PXDNL: variants seen among roughly 807,000 people sequenced by gnomAD.
PXDNL encodes peroxidasin like, also known as probable oxidoreductase PXDNL.
Under a neutral mutation model 150.8 loss-of-function variants are expected in PXDNL, and 145 were observed. That is an observed-to-expected ratio of 0.96 (90% CI 0.84 to 1.10). PXDNL has a LOEUF of 1.10. Among genes scored for constraint, PXDNL ranks in the 50% least tolerant of loss-of-function variants. PXDNL has a pLI of 0.00. For synonymous variants in PXDNL, 757 were observed against 725.7 expected (o/e 1.04, Z -0.69); for missense variants, 2,087 against 1,873.9 (o/e 1.11, Z -2.10).
chr8:51,769,788 C>T (rs75527521), intron 1 of PXDNL, among the ~76,000 whole-genome samples: 4 of 152,060 alleles, frequency 2.6e-5, no homozygotes, highest in African/African-American at 9.7e-5. Context: ...TAACTAAACT[C>T]CCACCATCTT....
chr8:51,372,778 G>A (rs1352570642), intron 18 of PXDNL, among the ~76,000 whole-genome samples: 1 of 152,134 alleles, frequency 6.6e-6, no homozygotes, highest in African/African-American at 2.4e-5. Flanking sequence ...TAGCACTTTT[G>A]ATAATTAATA....
chr8:51,565,002 C>T (rs570317289), intron 3 of PXDNL, among the ~76,000 whole-genome samples: 1 of 151,768 alleles, frequency 6.6e-6, no homozygotes, highest in African/African-American at 2.4e-5. Context: ...GCTTCCAGTA[C>T]GATGGTGAAT....
Position 51,344,010 on chromosome 8 carries a change from C to T in PXDNL, c.4016+1823G>A, listed in dbSNP as rs1477925068. Among the ~76,000 whole-genome samples, 3 of 152,156 alleles carry T rather than the reference C, an allele frequency of 2.0e-5. 1 individual carries two copies. Among genetic ancestry groups the T allele is most frequent in the African/African-American group, 7.2e-5 (3 of 41,420 alleles). On this transcript the variant is annotated intron_variant, in intron 20 of 22. Transcript: ENST00000356297. ...GGAATTTACAGCTCTTCACTCTTTG[C>T]CTCAACCTTCTTTCAGAATGTTCTG...
chr8:51,360,493 G>T (rs1806695877), intron 19 of PXDNL, among the ~76,000 whole-genome samples: 3 of 152,034 alleles, frequency 2.0e-5, no homozygotes. Flanking sequence ...GCATACACAT[G>T]TATATATGTA....
chr8:51,663,380 G>A (rs1049209872), intron 1 of PXDNL, among the ~76,000 whole-genome samples: 2 of 152,154 alleles, frequency 1.3e-5, no homozygotes, highest in Admixed American at 6.5e-5. Flanking sequence ...CCTAAACCAA[G>A]TTCCCACTTT....
intron 17 of PXDNL, among the ~76,000 whole-genome samples, chr8:51,377,888 C>T (rs1261598901): frequency 5.9e-5 from 9 of 152,240 alleles, no homozygotes; most frequent in African/African-American, 1.9e-4. Flanking sequence ...ATCAACTGCC[C>T]AAGGGCTGAG....
At chr8:51,369,949 G>C (rs963164074) in intron 19 of PXDNL, among the ~76,000 whole-genome samples, 3 of 152,168 alleles carry the variant, frequency 2.0e-5, no homozygotes, top group Non-Finnish European at 2.9e-5. Context: ...ATGGCAATGG[G>C]GGGAGGGCAG....
At chr8:51,423,169 G>A (rs1320317021) in intron 14 of PXDNL, among the ~76,000 whole-genome samples, 2 of 152,140 alleles carry the variant, frequency 1.3e-5, no homozygotes, top group African/African-American at 4.8e-5. Context: ...TTGGGAGTTT[G>A]ATGGATTGAT....
intron 19 of PXDNL, among the ~76,000 whole-genome samples, chr8:51,365,745 T>C (rs1287521884): frequency 6.6e-6 from 1 of 151,776 alleles, no homozygotes; most frequent in Non-Finnish European, 1.5e-5. Context: ...TAACTGAGAG[T>C]GGTGATAAGG....
rs536491295 is a variant in PXDNL at position 51,707,521 on chromosome 8, G to A, written c.165-52761C>T. On this transcript the variant is annotated intron_variant, in intron 1 of 22. Transcript: ENST00000356297. The stretch of plus-strand genomic sequence containing the variant: ...TTGGTTTGGTTTGGTTTTGTTTGTG[G>A]TAAGAGCACTTAACATGAGATCTAT... Among the ~76,000 whole-genome samples the A allele has an allele frequency of 8.1e-4, 123 of 152,184 alleles. 1 individual carries two copies. Among genetic ancestry groups the A allele is most frequent in the Non-Finnish European group, 5.1e-4 (35 of 68,000 alleles).
chr8:51,593,910 T>C (rs1262730934), intron 2 of PXDNL, among the ~76,000 whole-genome samples: 1 of 152,210 alleles, frequency 6.6e-6, no homozygotes, highest in Admixed American at 6.5e-5. Context: ...CATTCAACTT[T>C]ATAGTCCACC....
intron 17 of PXDNL, among the ~76,000 whole-genome samples, chr8:51,395,693 G>A (rs1808060452): frequency 6.6e-6 from 1 of 152,178 alleles, no homozygotes; most frequent in South Asian, 2.1e-4. Context: ...AACTGAAAAA[G>A]CAGTAGAAGA....
At chr8:51,424,469 C>T (rs1403201566) in intron 13 of PXDNL, among the ~76,000 whole-genome samples, 1 of 151,998 alleles carries the variant, frequency 6.6e-6, no homozygotes, top group Non-Finnish European at 1.5e-5. Context: ...AATTTCCCTT[C>T]TATTTCTACC....
intron 1 of PXDNL, among the ~76,000 whole-genome samples, chr8:51,804,522 C>T (rs887315364): frequency 6.6e-6 from 1 of 152,124 alleles, no homozygotes; most frequent in Admixed American, 6.5e-5. Context: ...CTTTTTACTC[C>T]ATAAATACAG....
intron 14 of PXDNL, among the ~76,000 whole-genome samples, chr8:51,414,604 A>G (rs774600369): frequency 2.0e-5 from 3 of 151,998 alleles, no homozygotes; most frequent in Non-Finnish European, 2.9e-5. Flanking sequence ...CAAAAAATAC[A>G]TGGGATTGAT....
chr8:51,674,225 A>G (rs888359139), intron 1 of PXDNL, among the ~76,000 whole-genome samples: 4 of 152,204 alleles, frequency 2.6e-5, no homozygotes, highest in African/African-American at 9.7e-5. Flanking sequence ...CTAAAAAGAC[A>G]AAAAGATTGC....
At chr8:51,726,474 C>T (rs1020982596) in intron 1 of PXDNL, among the ~76,000 whole-genome samples, 1 of 152,194 alleles carries the variant, frequency 6.6e-6, no homozygotes, top group Non-Finnish European at 1.5e-5. Context: ...CCACAGAAAC[C>T]GCCTGGGACC....
chr8:51,387,059 A>T (rs1807739756), intron 17 of PXDNL, among the ~76,000 whole-genome samples: 1 of 152,176 alleles, frequency 6.6e-6, no homozygotes, highest in Admixed American at 6.5e-5. Context: ...ACTCTTTCAC[A>T]GTCAGAGATG....
At chr8:51,700,704 A>G (rs1386320023) in intron 1 of PXDNL, among the ~76,000 whole-genome samples, 2 of 151,972 alleles carry the variant, frequency 1.3e-5, no homozygotes, top group African/African-American at 4.8e-5. Context: ...ATACACACAG[A>G]CACACATAGA....
Sources: gnomAD v4.1 joint callset for allele counts (sites outside exome capture counted in the v4.1 genomes callset) on GRCh38, gnomAD v4.1.1 for gene constraint, MANE v1.5 for transcripts, NCBI Gene and HGNC (gene_info 2026-07-23, HGNC 2026-07-21) for gene names.